MGAM: variants seen among roughly 807,000 people sequenced by gnomAD.
MGAM encodes alpha-1,4-glucosidase.
In MGAM, 253 loss-of-function variants were observed where a neutral mutation model predicts 358.8. The observed-to-expected ratio is 0.71, with a 90% CI of 0.64 to 0.78. The LOEUF (loss-of-function observed/expected upper bound fraction) is 0.78. MGAM is among the 30% of genes least tolerant of loss of function. The probability of loss-of-function intolerance (pLI) is 0.00; values close to 1 mark genes in which losing one functional copy is unlikely to be tolerated. For missense variants in MGAM, 3,080 were observed against 3,432.6 expected, an observed-to-expected ratio of 0.90 and a Z score of 2.57; for synonymous variants, 1,105 against 1,227.1, an observed-to-expected ratio of 0.90 and a Z score of 2.08.
rs542197453 is a variant in MGAM at position 142,032,687 on chromosome 7, C to T, written c.1585-138C>T. On this transcript the variant is annotated intron_variant, in intron 13 of 70. Transcript: ENST00000475668. Reference sequence around the variant, plus strand: ...CAGTGGGTAGACAAGACAAGAACACCTACTCTATTCCATTTATACAAATAC... The same window carrying T: ...CAGTGGGTAGACAAGACAAGAACACTTACTCTATTCCATTTATACAAATAC... 3,562 of 532,412 alleles carry T rather than the reference C, an allele frequency of 6.7e-3. 19 individuals carry two copies. The highest frequency in any genetic ancestry group is 9.1e-3 in the South Asian group (311 of 34,012). The allele number at this position is 532,412 out of a possible 1,614,324, so 33.0% of individuals were successfully genotyped here.
chr7:142,017,700 A>G (rs922649462), intron 3 of MGAM, among the ~76,000 whole-genome samples: 1 of 152,168 alleles, frequency 6.6e-6, no homozygotes, highest in Admixed American at 6.5e-5. Context: ...TCACAGTGAC[A>G]CCTGATCTTA....
chr7:142,000,971 C>T (rs1202284581), intron 1 of MGAM, among the ~76,000 whole-genome samples: 2 of 152,186 alleles, frequency 1.3e-5, no homozygotes, highest in African/African-American at 4.8e-5. Context: ...CTATTAGCAT[C>T]TACCAAAGAG....
intron 2 of MGAM, among the ~76,000 whole-genome samples, chr7:141,986,933 C>G (rs1315115408): frequency 6.6e-6 from 1 of 152,160 alleles, no homozygotes; most frequent in Non-Finnish European, 1.5e-5. Context: ...AGGTCCTACA[C>G]TTGCAGGTGG....
chr7:142,101,644 G>A (rs1057274711), intron 68 of MGAM, among the ~76,000 whole-genome samples: 5 of 151,642 alleles, frequency 3.3e-5, no homozygotes, highest in Admixed American at 6.6e-5. Flanking sequence ...AGTGCCTCAC[G>A]CCTGTAATCC....
intron 11 of MGAM, 35 bp from the exon 12 acceptor site, chr7:142,030,606 A>C: frequency 6.2e-7 from 1 of 1,603,002 alleles, no homozygotes; most frequent in Non-Finnish European, 8.5e-7. Flanking sequence ...TCCGGTTTCC[A>C]GCTAGTTTGT....
intron 1 of MGAM, among the ~76,000 whole-genome samples, chr7:141,997,411 T>G (rs1554449050): frequency 6.6e-6 from 1 of 152,190 alleles, no homozygotes; most frequent in East Asian, 1.9e-4. Flanking sequence ...TTGTTGCTAT[T>G]TCAGTCACAC....
chr7:142,105,942 T>C lies in MGAM; in HGVS notation c.*51T>C. ...CTATGAATGACTTTGAAACTACTTA[T>C]ACTTCATACTCATAAAAATTATTGT... On this transcript the variant is annotated 3_prime_UTR_variant, in exon 71 of 71. Transcript: ENST00000475668. The C allele has an allele frequency of 6.1e-6, 8 of 1,307,642 alleles. No homozygotes were observed. The South Asian group carries it at 9.6e-5, about 16-fold the overall frequency. The allele number at this position is 1,307,642 out of a possible 1,614,324, so 81.0% of individuals were successfully genotyped here.
intron 57 of MGAM, among the ~76,000 whole-genome samples, chr7:142,087,523 C>G (rs865815804): frequency 2.1e-5 from 3 of 146,084 alleles, no homozygotes; most frequent in African/African-American, 7.3e-5. Context: ...ATTCTTAGTG[C>G]GGGTCCAAGG....
intron 37 of MGAM, 88 bp from the exon 38 acceptor site, chr7:142,065,247 C>T (rs993543189): frequency 4.6e-6 from 7 of 1,529,056 alleles, no homozygotes; most frequent in East Asian, 2.4e-5. Flanking sequence ...CAAACATTGA[C>T]TAGGCTCAAG....
rs1814661537 is a variant in MGAM, at chr7:142,085,458, T to C, written c.6508-375T>C. 1.4e-5 allele frequency among the ~76,000 whole-genome samples: 2 copies of C among 145,836 alleles called. 1 individual carries two copies. Among genetic ancestry groups the C allele is most frequent in the South Asian group, 4.4e-4 (2 of 4,524 alleles). On this transcript the variant is annotated intron_variant, in intron 54 of 70. Transcript: ENST00000475668. The stretch of plus-strand genomic sequence containing the variant: ...CATTGTATTAGCCCTGGGTAGTTAA[T>C]ATTATTTTTTCTAAGCATGAACCAC...
At chr7:142,032,057 G>A (rs1196446197) in intron 13 of MGAM, among the ~76,000 whole-genome samples, 1 of 114,438 alleles carries the variant, frequency 8.7e-6, no homozygotes, top group Non-Finnish European at 1.8e-5. Flanking sequence ...TTTTTTTTAC[G>A]AAGGAATGAG....
upstream of MGAM, among the ~76,000 whole-genome samples, chr7:141,993,806 C>T (rs964973526): frequency 1.2e-4 from 18 of 152,180 alleles, no homozygotes; most frequent in South Asian, 4.1e-4. Context: ...ATATTGTTTA[C>T]GCTTATCATG....
intron 6 of MGAM, 89 bp from the exon 7 acceptor site, chr7:142,022,179 C>T: frequency 8.1e-7 from 1 of 1,237,322 alleles, no homozygotes; most frequent in Non-Finnish European, 1.1e-6. Flanking sequence ...GCTATTGAGT[C>T]ACTGAGATAT....
chr7:142,067,945 T>TATATATATATATATAA (rs1812922526), intron 42 of MGAM, among the ~76,000 whole-genome samples: 1 of 37,266 alleles, frequency 2.7e-5, no homozygotes, highest in African/African-American at 7.4e-5. Context: ...AATATATATA[T>TATATATATATATATAA]ATATATATAT....
chr7:142,018,447 C>T (rs189480507), intron 3 of MGAM, among the ~76,000 whole-genome samples: 9 of 152,168 alleles, frequency 5.9e-5, no homozygotes, highest in Non-Finnish European at 1.3e-4. Context: ...TTGAAAGCAG[C>T]GTCTCATTGT....
At chr7:142,079,237 G>A (rs1424618601) in intron 49 of MGAM, among the ~76,000 whole-genome samples, 8 of 145,694 alleles carry the variant, frequency 5.5e-5, no homozygotes, top group Non-Finnish European at 1.1e-4. Flanking sequence ...GAGCAAGAGT[G>A]GGTACGGAGA....
chr7:142,061,936 ATCTT>A (rs1223478644), intron 34 of MGAM, among the ~76,000 whole-genome samples: 2 of 152,176 alleles, frequency 1.3e-5, no homozygotes, highest in Non-Finnish European at 2.9e-5. Flanking sequence ...TGTATCTTGA[ATCTT>A]TCTTTCAGGT....
intron 8 of MGAM, among the ~76,000 whole-genome samples, 151 bp downstream of exon 8, chr7:142,025,300 T>C (rs1806854602): frequency 1.3e-5 from 2 of 152,238 alleles, no homozygotes; most frequent in East Asian, 1.9e-4. Context: ...CTATCCCTAC[T>C]TCATTACCTA....
At position 142,102,626 on chromosome 7, in the gene MGAM, G is replaced by T; in HGVS notation, c.7964-4G>T. 1 of 1,612,770 alleles carries T rather than the reference G, an allele frequency of 6.2e-7. No individual in the cohort carries two copies. The highest frequency in any genetic ancestry group is 8.5e-7 in the Non-Finnish European group (1 of 1,179,328). On this transcript the variant is annotated splice_polypyrimidine_tract_variant and splice_region_variant and intron_variant, in intron 68 of 70. Coordinates refer to ENST00000475668, the MANE Select transcript of MGAM (RefSeq NM_001365693.1). Reference sequence around the variant, plus strand: ...GCCATGTTTATCTTGTTTTTTGTTTGCAGATACCTATGGGAAAGGACTCTA... The same window carrying T: ...GCCATGTTTATCTTGTTTTTTGTTTTCAGATACCTATGGGAAAGGACTCTA...
Sources: gnomAD v4.1 joint callset for allele counts (sites outside exome capture counted in the v4.1 genomes callset) on GRCh38, gnomAD v4.1.1 for gene constraint, MANE v1.5 for transcripts, NCBI Gene and HGNC (gene_info 2026-07-23, HGNC 2026-07-21) for gene names.